CAMTA1: variants seen among roughly 807,000 people sequenced by gnomAD.
CAMTA1 encodes the protein calmodulin-binding transcription activator 1.
A neutral mutation model predicts 170.9 loss-of-function variants in CAMTA1; 27 were observed. The observed-to-expected ratio is 0.16, with a 90% CI of 0.12 to 0.22. The LOEUF (loss-of-function observed/expected upper bound fraction) is 0.22, where lower values mean the gene tolerates loss of function less well. Ranked by LOEUF, CAMTA1 falls within the 10% of genes least tolerant of loss-of-function variation. The pLI, the probability that CAMTA1 is intolerant of heterozygous loss-of-function variation, is 1.00. For synonymous variants in CAMTA1, 833 were observed against 891.5 expected (o/e 0.93, Z 1.17); for missense variants, 1,619 against 2,217.2 (o/e 0.73, Z 5.42).
chr1:6,789,162 C>G (rs563355771), intron 1 of CAMTA1, among the ~76,000 whole-genome samples: 1 of 152,180 alleles, frequency 6.6e-6, no homozygotes, highest in South Asian at 2.1e-4. Flanking sequence ...AGAGCAACCT[C>G]TACTCAAGGT....
chr1:7,595,883 C>T (rs2150523721), intron 6 of CAMTA1, among the ~76,000 whole-genome samples: 1 of 152,328 alleles, frequency 6.6e-6, no homozygotes, highest in Middle Eastern at 3.4e-3. Context: ...CACAACCACA[C>T]CTCCCAATCT....
At chr1:7,020,737 G>A (rs955312485) in intron 3 of CAMTA1, among the ~76,000 whole-genome samples, 1 of 152,220 alleles carries the variant, frequency 6.6e-6, no homozygotes, top group African/African-American at 2.4e-5. Flanking sequence ...GCAAGATGAT[G>A]ACATGGGGAA....
At chr1:6,877,160 T>C (rs1670142574) in intron 3 of CAMTA1, among the ~76,000 whole-genome samples, 1 of 152,184 alleles carries the variant, frequency 6.6e-6, no homozygotes, top group South Asian at 2.1e-4. Flanking sequence ...CCTCTAGACA[T>C]GTTGGAGAAA....
rs2095508676 is a variant in CAMTA1, at chr1:7,609,417, C to A, written c.511-30983C>A. On this transcript the variant is annotated intron_variant, in intron 6 of 22. Coordinates refer to ENST00000303635, the MANE Select transcript of CAMTA1 (RefSeq NM_015215.4). The surrounding 1 kb of genome is among the most constrained non-coding windows in gnomAD (Gnocchi z 4.4). Reference sequence around the variant, plus strand: ...CATGAATGATTCATGAGGCTCTGCTCAACTTTGGGTGTTAACAGCAAATCA... The same window carrying A: ...CATGAATGATTCATGAGGCTCTGCTAAACTTTGGGTGTTAACAGCAAATCA... Among the ~76,000 whole-genome samples the A allele has an allele frequency of 6.6e-6, 1 of 152,178 alleles. No individual in the cohort carries two copies. Among genetic ancestry groups the A allele is most frequent in the Non-Finnish European group, 1.5e-5 (1 of 68,028 alleles).
chr1:7,057,063 T>G (rs1707443599), intron 3 of CAMTA1, among the ~76,000 whole-genome samples: 1 of 152,172 alleles, frequency 6.6e-6, no homozygotes, highest in Non-Finnish European at 1.5e-5. Context: ...GGCCAGGCCC[T>G]TCTCTCGGGT....
At chr1:7,201,174 T>C (rs1186403999) in intron 4 of CAMTA1, among the ~76,000 whole-genome samples, 1 of 152,210 alleles carries the variant, frequency 6.6e-6, no homozygotes, top group Admixed American at 6.5e-5. Context: ...GTAACTGTCT[T>C]CTTTCATTTA....
At chr1:7,755,532 A>G in intron 21 of CAMTA1, 106 bp from the exon 22 acceptor site, 1 of 916,628 alleles carries the variant, frequency 1.1e-6, no homozygotes, top group Non-Finnish European at 1.8e-6. Context: ...CTTTCCAAAA[A>G]AGAAACCATG....
intron 5 of CAMTA1, among the ~76,000 whole-genome samples, chr1:7,425,233 C>T (rs565000480): frequency 6.6e-6 from 1 of 152,310 alleles, no homozygotes; most frequent in East Asian, 1.9e-4. Context: ...AGAAGAGGCT[C>T]AGAGAAGGTG....
At chr1:7,190,831 A>G (rs988127082) in intron 4 of CAMTA1, among the ~76,000 whole-genome samples, 3 of 152,212 alleles carry the variant, frequency 2.0e-5, no homozygotes, top group Non-Finnish European at 4.4e-5. Context: ...AGTTTCCCAG[A>G]AAACTACACT....
intron 5 of CAMTA1, among the ~76,000 whole-genome samples, chr1:7,332,220 G>A (rs898530639): frequency 3.9e-5 from 6 of 152,272 alleles, no homozygotes; most frequent in South Asian, 2.1e-4. Flanking sequence ...GAAGGCCAGC[G>A]AGGACTGGGA....
At position 6,918,753 on chromosome 1, in the gene CAMTA1, A is replaced by G. The variant is rs1404268077; in HGVS notation, c.234+93543A>G. Among the ~76,000 whole-genome samples the G allele has an allele frequency of 6.6e-6, 1 of 152,186 alleles. No individual in the cohort carries two copies. The highest frequency in any genetic ancestry group is 1.5e-5 in the Non-Finnish European group (1 of 68,030). On this transcript the variant is annotated intron_variant, in intron 3 of 22. Transcript: ENST00000303635. This position sits in a 1 kb window ranked among gnomAD's most constrained non-coding sequence, Gnocchi z 4.0. The stretch of plus-strand genomic sequence containing the variant: ...TGGTGGATGACGCCTGGGGAGTTAG[A>G]AAACACTCAAGTTCAGTCATGCCCA...
At chr1:7,430,259 G>C (rs932912595) in intron 5 of CAMTA1, among the ~76,000 whole-genome samples, 1 of 151,990 alleles carries the variant, frequency 6.6e-6, no homozygotes, top group Non-Finnish European at 1.5e-5. Context: ...TGCTGCTGAT[G>C]ATGATGGGGA....
At chr1:6,999,101 C>T (rs1383838987) in intron 3 of CAMTA1, among the ~76,000 whole-genome samples, 2 of 152,208 alleles carry the variant, frequency 1.3e-5, no homozygotes, top group East Asian at 3.9e-4. Flanking sequence ...TTTCCAGTGG[C>T]TTCTTCCTAT....
chr1:7,374,983 G>T (rs1191985488), intron 5 of CAMTA1, among the ~76,000 whole-genome samples: 1 of 152,202 alleles, frequency 6.6e-6, no homozygotes, highest in Non-Finnish European at 1.5e-5. Context: ...GAGCAGTGGG[G>T]CTGGGTCCTG....
chr1:7,388,727 G>C (rs76732512), intron 5 of CAMTA1, among the ~76,000 whole-genome samples: 3,510 of 152,312 alleles, frequency 0.023, 124 homozygotes, highest in African/African-American at 0.08. Context: ...CTGCTGATGC[G>C]CCTCCTGGGA....
In CAMTA1 at chr1:6,825,138, G is replaced by A. The variant is rs145982830; in HGVS notation, c.162G>A (p.Pro54=). 4.8e-5 allele frequency: 77 copies of A among 1,611,170 alleles called. No homozygotes were observed. Among genetic ancestry groups the A allele is most frequent in the South Asian group, 1.1e-5 (1 of 90,552 alleles). Residue 54 remains proline (P), a synonymous_variant, in exon 3 of 23, where the codon CCG becomes CCA. Transcript: ENST00000303635. ...GTAGTCATGTAAAAATCTTTTTACC[G>A]AAAAAGCTGCTTGAATGTCTGCCGA... ...SNSSHVKIFL[P]KKLLECLPKC... is the part of the protein sequence containing the mutation.
intron 6 of CAMTA1, among the ~76,000 whole-genome samples, chr1:7,594,607 CAG>C (rs1416349066): frequency 1.3e-5 from 2 of 152,216 alleles, no homozygotes; most frequent in Non-Finnish European, 2.9e-5. Flanking sequence ...AAGGCCCTCT[CAG>C]GGTCCAGACA....
intron 3 of CAMTA1, among the ~76,000 whole-genome samples, chr1:6,977,854 C>T (rs146773795): frequency 1.5e-3 from 228 of 152,284 alleles, no homozygotes; most frequent in African/African-American, 5.0e-3. Context: ...TATTTATACA[C>T]AACAGAGTAC....
At chr1:7,395,477 G>A (rs1023707063) in intron 5 of CAMTA1, among the ~76,000 whole-genome samples, 1 of 152,014 alleles carries the variant, frequency 6.6e-6, no homozygotes, top group Non-Finnish European at 1.5e-5. Flanking sequence ...TTATAGCTTT[G>A]TTGTATATTT....
Sources: allele counts gnomAD v4.1 joint callset (sites outside exome capture counted in the v4.1 genomes callset), GRCh38; gene constraint gnomAD v4.1.1; non-coding constraint Gnocchi (gnomAD v3.1); transcripts MANE v1.5; gene names NCBI Gene and HGNC (gene_info 2026-07-23, HGNC 2026-07-21).